Variants in SH3YL1 observed in about 807,000 individuals in gnomAD.
SH3YL1 encodes SH3 domain-containing YSC84-like protein 1.
A neutral mutation model predicts 45.8 loss-of-function variants in SH3YL1; 41 were observed. That is an observed-to-expected ratio of 0.89 (90% CI 0.70 to 1.16). The LOEUF (loss-of-function observed/expected upper bound fraction) is 1.16. SH3YL1 is among the 50% of genes most tolerant of loss of function. The pLI is 0.00. For synonymous variants in SH3YL1, 152 were observed against 151.4 expected (o/e 1.00, Z -0.03); for missense variants, 389 against 409.6 (o/e 0.95, Z 0.43).
At chr2:261,393 CTA>C (rs1322837478) in intron 1 of SH3YL1, 1 of 152,114 alleles carries the variant, frequency 6.6e-6, no homozygotes, top group Non-Finnish European at 1.5e-5. Context: ...GGCAAAATCT[CTA>C]TAAATATTTA....
At chr2:242,969 C>T in intron 4 of SH3YL1, 2 of 692,968 alleles carry the variant, frequency 2.9e-6, no homozygotes, top group Non-Finnish European at 4.2e-6. Flanking sequence ...CAATTATAAA[C>T]ATAGTAATAC....
chr2:225,840 C>T (rs998527790), intron 8 of SH3YL1, among the ~76,000 whole-genome samples: 1 of 152,094 alleles, frequency 6.6e-6, no homozygotes, highest in African/African-American at 2.4e-5. Context: ...ACACAAAAGG[C>T]ACAGAAATTA....
In SH3YL1 at chr2:219,000, G is replaced by A. The variant is rs773735858; in HGVS notation, c.840C>T (p.Gly280=). 1 of 1,600,812 alleles carries A rather than the reference G, an allele frequency of 6.2e-7. No homozygotes were observed. The highest frequency in any genetic ancestry group is 8.5e-7 in the Non-Finnish European group (1 of 1,174,042). ...PGLSSYHERV[G]NLNQPIEVTA... is the part of the protein sequence containing the mutation. ...TCACTTCTATGGGTTGATTCAAATT[G>A]CCTGAAACAAGAAAAAAGTATTCAC... The change falls in exon 10 of 10, where the codon GGC becomes GGT. Residue 280 remains glycine (G), a splice_region_variant and synonymous_variant. Transcript: ENST00000356150.
chr2:264,638 C>A (rs932326837), upstream of SH3YL1: 2 of 209,764 alleles, frequency 9.5e-6, no homozygotes, highest in Non-Finnish European at 1.9e-5. Flanking sequence ...CACACCCCCT[C>A]GCCTTCCGCG....
At position 224,836 on chromosome 2, in the gene SH3YL1, T is replaced by C. The variant is rs748179959; in HGVS notation, c.838+28A>G. 3 of 1,514,590 alleles carry C rather than the reference T, an allele frequency of 2.0e-6. No individual in the cohort carries two copies. In the African/African-American group the frequency reaches 4.1e-5, roughly 21 times the overall value. The allele number at this position is 1,514,590 out of a possible 1,614,324, so 93.8% of individuals were successfully genotyped here. A position where few individuals can be genotyped will look rare whatever the true frequency, so the allele number is the denominator to read the frequency against. ...GTGATCACAAAATGAATATGAATCA[T>C]TTATAACATATAGATTTACTGATTT... On this transcript the variant is annotated intron_variant, in intron 9 of 9. Transcript: ENST00000356150.
At chr2:252,466 A>G (rs933433109) in intron 2 of SH3YL1, among the ~76,000 whole-genome samples, 7 of 152,056 alleles carry the variant, frequency 4.6e-5, no homozygotes, top group African/African-American at 1.7e-4. Flanking sequence ...CAGGAGAAAA[A>G]GCCTATGCAA....
intron 2 of SH3YL1, among the ~76,000 whole-genome samples, chr2:250,379 T>C (rs950278123): frequency 5.9e-5 from 9 of 152,210 alleles, no homozygotes; most frequent in African/African-American, 2.2e-4. Flanking sequence ...TGTTAAAACA[T>C]TTTCAACTTT....
intron 4 of SH3YL1, among the ~76,000 whole-genome samples, chr2:246,173 T>C (rs1386604641): frequency 1.3e-4 from 20 of 148,482 alleles, no homozygotes; most frequent in Non-Finnish European, 3.0e-4. Flanking sequence ...CCAGCCTGGG[T>C]AACAAGAGTG....
chr2:231,419 C>T (rs1668038352), intron 6 of SH3YL1, among the ~76,000 whole-genome samples: 1 of 152,038 alleles, frequency 6.6e-6, no homozygotes, highest in Non-Finnish European at 1.5e-5. Context: ...TATATGTATC[C>T]TTTCTTTATT....
rs534697994 is a variant in SH3YL1, at chr2:234,741, C to T, written c.292-469G>A. Among the ~76,000 whole-genome samples, 5 of 152,278 alleles carry T rather than the reference C, an allele frequency of 3.3e-5. No homozygotes were observed. The South Asian group carries it at 8.3e-4, about 25-fold the overall frequency. ...GCTGAAGGTCCTGAGAGCCTTTCTACACTCTCCTCCTGGCCAGGGGTGTGC... is the reference window on the plus strand; with the variant it reads ...GCTGAAGGTCCTGAGAGCCTTTCTATACTCTCCTCCTGGCCAGGGGTGTGC... On this transcript the variant is annotated intron_variant, in intron 4 of 9. Transcript: ENST00000356150.
chr2:225,691 T>C (rs140822601), intron 8 of SH3YL1, among the ~76,000 whole-genome samples: 4 of 152,322 alleles, frequency 2.6e-5, no homozygotes, highest in African/African-American at 7.2e-5. Context: ...TTTGAGCAAG[T>C]GACGAGATAT....
intron 1 of SH3YL1, among the ~76,000 whole-genome samples, chr2:255,151 CTG>C (rs1006406537): frequency 1.3e-5 from 2 of 152,198 alleles, no homozygotes; most frequent in Admixed American, 1.3e-4. Context: ...TGATTAAAAC[CTG>C]TGTCAGAGCT....
intron 2 of SH3YL1, 84 bp downstream of exon 2, chr2:252,921 C>T (rs745756730): frequency 1.0e-4 from 82 of 782,884 alleles, no homozygotes; most frequent in Admixed American, 5.4e-5. Context: ...GAGGCTTCTG[C>T]CTGAAATGGA....
In SH3YL1 at chr2:233,194, GCGGAGCTTCTCAGGGC is replaced by G; in HGVS notation, c.424_439del (p.Ala142LeufsTer18). 1 of 1,591,094 alleles carries G rather than the reference GCGGAGCTTCTCAGGGC, an allele frequency of 6.3e-7. No individual in the cohort carries two copies. The highest frequency in any genetic ancestry group is 8.6e-7 in the Non-Finnish European group (1 of 1,166,770). On this transcript the variant is annotated frameshift_variant, in exon 6 of 10. Coordinates refer to ENST00000356150, the MANE Select transcript of SH3YL1 (RefSeq NM_015677.4). LOFTEE classifies it high-confidence loss of function. The stretch of plus-strand genomic sequence containing the variant: ...TGACTTGCAGTACGTGAAGACGGCA[GCGGAGCTTCTCAGGGC>G]CACGTTTCCTTCCAAGTTCCTGCAA...
intron 8 of SH3YL1, among the ~76,000 whole-genome samples, chr2:227,940 A>C (rs185033424): frequency 6.6e-6 from 1 of 152,284 alleles, no homozygotes; most frequent in Non-Finnish European, 1.5e-5. Context: ...GAAAATACTT[A>C]GTTTTTAAAT....
At chr2:244,714 G>A (rs1668712400) in intron 4 of SH3YL1, 3 of 152,146 alleles carry the variant, frequency 2.0e-5, no homozygotes, top group Admixed American at 2.0e-4. Context: ...AGAAAAGGAA[G>A]CATTCATGGG....
At chr2:255,568 G>C (rs570724957) in intron 1 of SH3YL1, among the ~76,000 whole-genome samples, 7 of 152,328 alleles carry the variant, frequency 4.6e-5, no homozygotes, top group African/African-American at 1.7e-4. Flanking sequence ...CTGCACTCCA[G>C]CCTGGGCAAC....
At chr2:252,597 A>G (rs1407930639) in intron 2 of SH3YL1, among the ~76,000 whole-genome samples, 2 of 152,186 alleles carry the variant, frequency 1.3e-5, no homozygotes, top group African/African-American at 4.8e-5. Flanking sequence ...ATGATGGGAG[A>G]AGTGGCAGGA....
At position 231,141 on chromosome 2, in the gene SH3YL1, G is replaced by C. The variant is rs571192029; in HGVS notation, c.584C>G (p.Pro195Arg). The C allele has an allele frequency of 2.5e-6, 4 of 1,613,724 alleles. No homozygotes were observed. Among genetic ancestry groups the C allele is most frequent in the East Asian group, 2.2e-5 (1 of 44,870 alleles). Residue 195 changes from proline (P) to arginine (R), a missense_variant, in exon 7 of 10, where the codon CCG (proline) becomes CGG (arginine). Pro to Arg is a moderately radical substitution (Grantham distance 103). Coordinates refer to ENST00000356150, the MANE Select transcript of SH3YL1 (RefSeq NM_015677.4). The part of the protein sequence containing the change: ...RAYDILFGDT[P>R]RPAQAEDLYE... The stretch of plus-strand genomic sequence containing the variant: ...AAGATCTTCGGCTTGAGCAGGCCGC[G>C]GTGTATCTCCAAATAAAATGTCATA...
Sources: gnomAD v4.1 joint callset for allele counts (sites outside exome capture counted in the v4.1 genomes callset) on GRCh38, gnomAD v4.1.1 for gene constraint, MANE v1.5 for transcripts, NCBI Gene and HGNC (gene_info 2026-07-23, HGNC 2026-07-21) for gene names.